FCAR: variants seen among roughly 807,000 people sequenced by gnomAD.
FCAR encodes immunoglobulin alpha Fc receptor.
A neutral mutation model predicts 27.1 loss-of-function variants in FCAR; 21 were observed. That is an observed-to-expected ratio of 0.77 (90% confidence interval 0.55 to 1.11). The LOEUF is 1.11. FCAR is among the 50% of genes most tolerant of loss of function. The pLI is 0.00. For missense variants in FCAR, 404 were observed against 358.4 expected (o/e 1.13, Z -1.03); for synonymous variants, 134 against 135.8 (o/e 0.99, Z 0.09).
At chr19:54,886,059 C>T (rs1422174884) in intron 3 of FCAR, among the ~76,000 whole-genome samples, 2 of 152,052 alleles carry the variant, frequency 1.3e-5, no homozygotes, top group Non-Finnish European at 2.9e-5. Flanking sequence ...CCAGCCTGGC[C>T]AACACAGTGA....
At chr19:54,876,734 A>G (rs2066114518) in intron 2 of FCAR, among the ~76,000 whole-genome samples, 1 of 152,138 alleles carries the variant, frequency 6.6e-6, no homozygotes, top group Non-Finnish European at 1.5e-5. Context: ...CCTGGCTAAC[A>G]CGGTGAAACC....
chr19:54,881,559 G>A (rs1601917383), intron 2 of FCAR, among the ~76,000 whole-genome samples: 1 of 152,180 alleles, frequency 6.6e-6, no homozygotes, highest in East Asian at 1.9e-4. Flanking sequence ...TCTCCGTATG[G>A]CGACTGCGGT....
Position 54,888,181 on chromosome 19 carries a change from CT to C in FCAR, c.539del (p.Leu180TrpfsTer49), listed in dbSNP as rs757614946. On this transcript the variant is annotated frameshift_variant, in exon 4 of 5. Coordinates refer to ENST00000355524, the MANE Select transcript of FCAR (RefSeq NM_002000.4). LOFTEE classifies it high-confidence loss of function. ...AGTGGGGAACACCCGGCCAACTTCT[CT>C]TTGGGTCCTGTGGACCTCAATGTCT... ...HQSGEHPANF[S>X]LGPVDLNVSG... 6.2e-7 allele frequency: 1 copy of C among 1,614,192 alleles called. No homozygotes were observed. The highest frequency in any genetic ancestry group is 2.2e-5 in the East Asian group (1 of 44,882).
chr19:54,875,032 G>T (rs11084375), intron 1 of FCAR, among the ~76,000 whole-genome samples: 1 of 151,954 alleles, frequency 6.6e-6, no homozygotes, highest in Non-Finnish European at 1.5e-5. Flanking sequence ...TTAGCCAGGC[G>T]TGGTGGCGGG....
rs1410995922 is a variant in FCAR at position 54,891,393 on chromosome 19, C to G, written c.*1530C>G. The stretch of plus-strand genomic sequence containing the variant: ...ACTGTATTCTTGGCTTAACTCAGGT[C>G]CTGTGATTAAAAAAAAAATGCAAAG... On this transcript the variant is annotated 3_prime_UTR_variant, in exon 5 of 5. Transcript: ENST00000355524. The G allele has an allele frequency of 6.6e-6, 1 of 150,918 alleles. No homozygotes were observed. The highest frequency in any genetic ancestry group is 1.9e-4 in the East Asian group (1 of 5,146). 9.3% of individuals were successfully genotyped at this position (150,918 alleles called of 1,614,324 possible). A position where few individuals can be genotyped will look rare whatever the true frequency, so the allele number is the denominator to read the frequency against.
At chr19:54,881,682 C>T (rs868258332) in intron 2 of FCAR, among the ~76,000 whole-genome samples, 1 of 151,998 alleles carries the variant, frequency 6.6e-6, no homozygotes, top group Non-Finnish European at 1.5e-5. Context: ...ACCATCCTGG[C>T]TAATCTGGTG....
At chr19:54,888,834 A>T (rs968223344) in intron 4 of FCAR, 1 of 989,664 alleles carries the variant, frequency 1.0e-6, no homozygotes, top group Non-Finnish European at 1.2e-6. Context: ...TTAGGATTCC[A>T]CCTTGTTCTG....
Position 54,888,182 on chromosome 19 carries a change from T to C in FCAR, c.537T>C (p.Ser179=). 6.2e-7 allele frequency: 1 copy of C among 1,614,056 alleles called. No homozygotes were observed. Among genetic ancestry groups the C allele is most frequent in the Non-Finnish European group, 8.5e-7 (1 of 1,179,902 alleles). The stretch of plus-strand genomic sequence containing the variant: ...GTGGGGAACACCCGGCCAACTTCTC[T>C]TTGGGTCCTGTGGACCTCAATGTCT... ...HQSGEHPANF[S]LGPVDLNVSG... Residue 179 remains serine (S), a synonymous_variant, in exon 4 of 5, where the codon TCT becomes TCC. Coordinates refer to ENST00000355524, the MANE Select transcript of FCAR (RefSeq NM_002000.4).
chr19:54,889,610 C>T (rs2066953944), intron 4 of FCAR, 39 bp from the exon 5 acceptor site: 1 of 1,544,734 alleles, frequency 6.5e-7, no homozygotes, highest in Non-Finnish European at 8.9e-7. Context: ...GAATGGAACA[C>T]AACCACCAAC....
At chr19:54,886,834 C>A (rs79421635) in intron 3 of FCAR, among the ~76,000 whole-genome samples, 8,113 of 152,322 alleles carry the variant, frequency 0.053, 266 homozygotes, top group Non-Finnish European at 0.062. Flanking sequence ...CGATGTTTTG[C>A]TCATGACTAG....
At chr19:54,884,461 G>A (rs7260414) in intron 2 of FCAR, among the ~76,000 whole-genome samples, 38,468 of 151,802 alleles carry the variant, frequency 0.25, 5,154 homozygotes, top group Non-Finnish European at 0.31. Flanking sequence ...GTGAAACCCC[G>A]TTTCTACTAA....
intron 2 of FCAR, among the ~76,000 whole-genome samples, chr19:54,883,695 G>A (rs781017836): frequency 1.3e-5 from 2 of 152,060 alleles, no homozygotes; most frequent in Admixed American, 6.5e-5. Flanking sequence ...TGGCTCACAC[G>A]TGTAATCCCA....
At chr19:54,878,205 C>T (rs78881402) in intron 2 of FCAR, among the ~76,000 whole-genome samples, 6 of 152,132 alleles carry the variant, frequency 3.9e-5, no homozygotes, top group African/African-American at 1.4e-4. Context: ...GTGTGAGCCA[C>T]CGTGCCCAGC....
intron 3 of FCAR, 121 bp downstream of exon 3, chr19:54,885,646 C>A: frequency 1.4e-6 from 1 of 713,338 alleles, no homozygotes; most frequent in Non-Finnish European, 2.3e-6. Flanking sequence ...TCAGAGAGTT[C>A]TCAGCCATCT....
At chr19:54,880,421 A>T (rs1416691037) in intron 2 of FCAR, among the ~76,000 whole-genome samples, 1 of 152,188 alleles carries the variant, frequency 6.6e-6, no homozygotes, top group African/African-American at 2.4e-5. Context: ...GGTTCTTTCA[A>T]AATGACCATC....
intron 1 of FCAR, 132 bp downstream of exon 1, chr19:54,874,455 C>T (rs1268435184): frequency 1.2e-6 from 1 of 838,842 alleles, no homozygotes; most frequent in South Asian, 1.6e-5. Flanking sequence ...AGTGGAAAGG[C>T]CGTCTTTGTC....
chr19:54,874,928 T>C (rs1047244457), intron 1 of FCAR, among the ~76,000 whole-genome samples: 1 of 152,128 alleles, frequency 6.6e-6, no homozygotes, highest in Non-Finnish European at 1.5e-5. Context: ...CCCAGCACTT[T>C]GGGAGGCCAA....
Position 54,879,847 on chromosome 19 carries a change from C to G in FCAR, c.70+4482C>G, listed in dbSNP as rs146570046. 4.0e-3 allele frequency among the ~76,000 whole-genome samples: 604 copies of G among 152,210 alleles called. 6 individuals are homozygous for G. Among genetic ancestry groups the G allele is most frequent in the African/African-American group, 0.014 (561 of 41,526 alleles). On this transcript the variant is annotated intron_variant, in intron 2 of 4. Transcript: ENST00000355524. ...TACAGGTGCCCACCACCACGCCCAG[C>G]TAATTTTTTATATTTTTTTAGTAGA...
intron 2 of FCAR, 84 bp from the exon 3 acceptor site, chr19:54,885,151 T>G (rs1569532469): frequency 4.1e-6 from 5 of 1,209,224 alleles, no homozygotes; most frequent in Non-Finnish European, 5.8e-6. Context: ...CACACCCTAA[T>G]GTATTTTTAC....
Sources: allele counts gnomAD v4.1 joint callset (sites outside exome capture counted in the v4.1 genomes callset), GRCh38; gene constraint gnomAD v4.1.1; transcripts MANE v1.5; gene names NCBI Gene and HGNC (gene_info 2026-07-23, HGNC 2026-07-21).